The following NRXN3 variants were observed in gnomAD, a reference collection of about 807,000 sequenced individuals.
The protein encoded by NRXN3 is neurexin 3.
In NRXN3, 32 loss-of-function variants were observed where a neutral mutation model predicts 137.6. The ratio of observed to expected loss-of-function variants is 0.23; its 90% CI spans 0.18 to 0.31. The LOEUF (loss-of-function observed/expected upper bound fraction) is 0.31. Among genes scored for constraint, NRXN3 ranks in the 10% least tolerant of loss-of-function variants. NRXN3 has a pLI of 1.00. For missense variants in NRXN3, 1,574 were observed against 2,062.5 expected (o/e 0.76, Z 4.59); for synonymous variants, 798 against 784.5 (o/e 1.02, Z -0.29).
At chr14:79,346,145 C>T (rs1308678121) in intron 15 of NRXN3, among the ~76,000 whole-genome samples, 1 of 152,144 alleles carries the variant, frequency 6.6e-6, no homozygotes, top group Non-Finnish European at 1.5e-5. Context: ...AGCGGCTGGG[C>T]ACAGTGGCTC....
At chr14:78,429,265 G>A (rs1000254420) in intron 4 of NRXN3, among the ~76,000 whole-genome samples, 2 of 151,084 alleles carry the variant, frequency 1.3e-5, no homozygotes, top group African/African-American at 4.9e-5. Flanking sequence ...ATTTAGTAGA[G>A]ATGGGGTTTT....
At chr14:79,553,156 A>C (rs1241819267) in intron 16 of NRXN3, among the ~76,000 whole-genome samples, 1 of 152,006 alleles carries the variant, frequency 6.6e-6, no homozygotes, top group Non-Finnish European at 1.5e-5. Flanking sequence ...AAAGTACCAT[A>C]TTTTGGGGTA....
intron 8 of NRXN3, among the ~76,000 whole-genome samples, chr14:78,789,799 T>C (rs991044718): frequency 6.6e-6 from 1 of 152,132 alleles, no homozygotes; most frequent in African/African-American, 2.4e-5. Context: ...CTCTTTACTC[T>C]TATATTCTTG....
intron 15 of NRXN3, among the ~76,000 whole-genome samples, chr14:79,123,701 A>G (rs1682281955): frequency 1.3e-5 from 2 of 152,184 alleles, no homozygotes; most frequent in African/African-American, 2.4e-5. Flanking sequence ...AATGGACAGA[A>G]GGGAGGATTT....
chr14:78,245,574 C>G (rs2067554059), intron 2 of NRXN3, among the ~76,000 whole-genome samples: 1 of 152,132 alleles, frequency 6.6e-6, no homozygotes. Flanking sequence ...ACATCCCAAC[C>G]CCTAAAGCAG....
intron 15 of NRXN3, among the ~76,000 whole-genome samples, chr14:79,150,651 A>T (rs1236967593): frequency 6.6e-6 from 1 of 151,862 alleles, no homozygotes; most frequent in Non-Finnish European, 1.5e-5. Flanking sequence ...TCCACCACAT[A>T]AGCTAAAAAT....
At chr14:79,266,294 C>A (rs1039100396) in intron 15 of NRXN3, among the ~76,000 whole-genome samples, 2 of 152,068 alleles carry the variant, frequency 1.3e-5, no homozygotes, top group African/African-American at 2.4e-5. Context: ...TTTAAAGAAA[C>A]AAAAGTATGA....
At chr14:78,906,175 T>C (rs1326529433) in intron 10 of NRXN3, among the ~76,000 whole-genome samples, 1 of 152,074 alleles carries the variant, frequency 6.6e-6, no homozygotes. Context: ...GAGCAGAGAT[T>C]TCACCATTAT....
At chr14:78,174,438 A>G (rs1431846629) in intron 1 of NRXN3, among the ~76,000 whole-genome samples, 1 of 151,916 alleles carries the variant, frequency 6.6e-6, no homozygotes, top group Non-Finnish European at 1.5e-5. Context: ...TCTTTGTCCG[A>G]CCCAGTTCTC....
chr14:78,789,829 C>T (rs1299288208), intron 8 of NRXN3, among the ~76,000 whole-genome samples: 1 of 152,080 alleles, frequency 6.6e-6, no homozygotes, highest in Non-Finnish European at 1.5e-5. Flanking sequence ...TTACAGGTCT[C>T]CTTCTTCTTA....
chr14:78,836,125 C>CCATAAATA (rs1275396213), intron 10 of NRXN3, among the ~76,000 whole-genome samples: 25 of 152,018 alleles, frequency 1.6e-4, no homozygotes, highest in African/African-American at 5.8e-4. Context: ...CATCTAAAAC[C>CCATAAATA]CATAAATATT....
chr14:79,344,567 T>C (rs1008430877), intron 15 of NRXN3, among the ~76,000 whole-genome samples: 74 of 152,216 alleles, frequency 4.9e-4, no homozygotes, highest in African/African-American at 1.6e-3. Context: ...TTCATTACAT[T>C]AAATTTTATG....
At position 78,924,695 on chromosome 14, in the gene NRXN3, C is replaced by T. The variant is rs149459248; in HGVS notation, c.2276-32547C>T. On this transcript the variant is annotated intron_variant, in intron 10 of 20. Transcript: ENST00000335750. ...CAAAAAAAAGTAAAGCAGTAAAATA[C>T]GTCATCCTGTAAAGTCTAAAGATTT... Among the ~76,000 whole-genome samples, 12 of 152,178 alleles carry T rather than the reference C, an allele frequency of 7.9e-5. No homozygotes were observed. In the East Asian group the frequency reaches 2.3e-3, roughly 29 times the overall value.
intron 15 of NRXN3, among the ~76,000 whole-genome samples, chr14:79,027,754 C>A (rs923522258): frequency 1.3e-5 from 2 of 152,122 alleles, no homozygotes; most frequent in Admixed American, 1.3e-4. Context: ...TGTTATGTGT[C>A]TTTTCTTTGC....
chr14:78,319,691 G>A (rs1417954265), intron 4 of NRXN3, among the ~76,000 whole-genome samples: 1 of 152,182 alleles, frequency 6.6e-6, no homozygotes, highest in East Asian at 1.9e-4. Context: ...CACTGAGGCT[G>A]CAGCCCTGGA....
intron 4 of NRXN3, among the ~76,000 whole-genome samples, chr14:78,618,549 G>A (rs1028238316): frequency 2.6e-5 from 4 of 151,012 alleles, no homozygotes; most frequent in Admixed American, 2.0e-4. Context: ...CTGGAAAACT[G>A]TGCATTCTGT....
chr14:79,826,557 AT>A (rs2099302513), intron 20 of NRXN3, among the ~76,000 whole-genome samples: 1 of 152,198 alleles, frequency 6.6e-6, no homozygotes, highest in African/African-American at 2.4e-5. Flanking sequence ...CCTTTTTTAA[AT>A]AATTCAGTGT....
intron 16 of NRXN3, among the ~76,000 whole-genome samples, chr14:79,475,915 G>T (rs966551338): frequency 6.6e-6 from 1 of 152,094 alleles, no homozygotes; most frequent in African/African-American, 2.4e-5. Context: ...AATAGCAGAA[G>T]CTTTTTAGAT....
At chr14:78,621,699 C>T (rs74566651) in intron 4 of NRXN3, among the ~76,000 whole-genome samples, 1,589 of 152,270 alleles carry the variant, frequency 0.01, 32 homozygotes, top group African/African-American at 0.037. Flanking sequence ...GTACTGTCGT[C>T]CTTGTTTGAA....
Sources: gnomAD v4.1 joint callset for allele counts (sites outside exome capture counted in the v4.1 genomes callset) on GRCh38, gnomAD v4.1.1 for gene constraint, MANE v1.5 for transcripts, NCBI Gene and HGNC (gene_info 2026-07-23, HGNC 2026-07-21) for gene names.